SYNE1: variants seen among roughly 807,000 people sequenced by gnomAD.
SYNE1 encodes the protein nesprin-1.
A neutral mutation model predicts 1,111.0 loss-of-function variants in SYNE1; 616 were observed. The ratio of observed to expected loss-of-function variants is 0.55; its 90% CI spans 0.52 to 0.59. The LOEUF (loss-of-function observed/expected upper bound fraction) is 0.59, where lower values mean the gene tolerates loss of function less well. SYNE1 is among the 20% of genes least tolerant of loss of function. The probability of loss-of-function intolerance (pLI) is 0.00; values close to 1 mark genes in which losing one functional copy is unlikely to be tolerated. For missense variants in SYNE1, 10,006 were observed against 10,417.0 expected, an observed-to-expected ratio of 0.96 and a Z score of 1.72; for synonymous variants, 3,855 against 3,825.8, an observed-to-expected ratio of 1.01 and a Z score of -0.28.
In SYNE1 at chr6:152,511,054, G is replaced by A. The variant is rs2099082422; in HGVS notation, c.359C>T (p.Ser120Leu). ...NSTDIADGRP[S>L]IVLGLMWTII... ...GGTCCACATCAATCCAAGAACTATT[G>A]AGGGTCGGCCATCAGCTATATCGGT... Residue 120 changes from serine to leucine, a missense_variant, in exon 7 of 146, where the codon TCA (serine) becomes TTA (leucine). Physicochemically the swap from Ser to Leu is moderately radical, Grantham distance 145 (BLOSUM62 -2). This residue lies in a region of SYNE1 where 1,971 missense variants were observed against 2,084.1 expected (regional missense o/e 0.95). Transcript: ENST00000367255. 15 of 1,614,038 alleles carry A rather than the reference G, an allele frequency of 9.3e-6. No homozygotes were observed. Among genetic ancestry groups the A allele is most frequent in the Non-Finnish European group, 1.3e-5 (15 of 1,179,932 alleles).
At chr6:152,426,112 T>G (rs1409467537) in intron 38 of SYNE1, among the ~76,000 whole-genome samples, 1 of 152,188 alleles carries the variant, frequency 6.6e-6, no homozygotes, top group Non-Finnish European at 1.5e-5. Context: ...AGTCAACGAA[T>G]CTCTTAAGTG....
chr6:152,421,715 A>AT (rs1275113073), intron 39 of SYNE1, among the ~76,000 whole-genome samples: 15 of 131,832 alleles, frequency 1.1e-4, no homozygotes, highest in Admixed American at 3.0e-4. Context: ...TTATTTATTT[A>AT]TTTTTTGGAG....
chr6:152,464,507 A>T (rs1363023146), intron 18 of SYNE1, among the ~76,000 whole-genome samples: 1 of 152,184 alleles, frequency 6.6e-6, no homozygotes, highest in Non-Finnish European at 1.5e-5. Flanking sequence ...ATCTACATGA[A>T]ATATGGAATG....
Position 152,520,542 on chromosome 6 carries a change from G to C in SYNE1, c.226C>G (p.Pro76Ala), listed in dbSNP as rs775028308. 9.9e-6 allele frequency: 16 copies of C among 1,613,562 alleles called. No individual in the cohort carries two copies. The highest frequency in any genetic ancestry group is 1.7e-5 in the Admixed American group (1 of 59,970). The part of the protein sequence containing the change: ...LLEVLSGQKL[P>A]CEQGRRMKRI... ...TTCATCCGGCGTCCTTGTTCACAAG[G>C]CTGTAAAAAGTGGGGTAAAAAAGGG... The change falls in exon 6 of 146, where the codon CCT becomes GCT. Residue 76 changes from proline (P) to alanine (A), a missense_variant and splice_region_variant. Coordinates refer to ENST00000367255, the MANE Select transcript of SYNE1 (RefSeq NM_182961.4).
intron 140 of SYNE1, among the ~76,000 whole-genome samples, chr6:152,139,172 T>C (rs2057809001): frequency 6.6e-6 from 1 of 152,222 alleles, no homozygotes; most frequent in African/African-American, 2.4e-5. Flanking sequence ...GGATGCTTCA[T>C]GAAATTTTAA....
intron 41 of SYNE1, among the ~76,000 whole-genome samples, chr6:152,415,000 C>T (rs930428111): frequency 6.6e-6 from 1 of 152,138 alleles, no homozygotes; most frequent in South Asian, 2.1e-4. Context: ...ACTAAATCCT[C>T]GACATAATGG....
chr6:152,530,020 T>C (rs2099188337), intron 4 of SYNE1, among the ~76,000 whole-genome samples: 1 of 152,210 alleles, frequency 6.6e-6, no homozygotes, highest in Non-Finnish European at 1.5e-5. Flanking sequence ...AAAACTGATG[T>C]TCACTATAAA....
At chr6:152,133,017 C>G (rs1325424400) in intron 143 of SYNE1, among the ~76,000 whole-genome samples, 1 of 151,914 alleles carries the variant, frequency 6.6e-6, no homozygotes, top group East Asian at 1.9e-4. Context: ...AAATAAAATG[C>G]CACAGCAGTT....
chr6:152,498,835 C>T, intron 10 of SYNE1, 43 bp from the exon 11 acceptor site: 1 of 1,161,306 alleles, frequency 8.6e-7, no homozygotes, highest in Non-Finnish European at 1.2e-6. Flanking sequence ...TAATATAAAT[C>T]AGGGTCAAAA....
intron 3 of SYNE1, among the ~76,000 whole-genome samples, chr6:152,587,532 A>G (rs1026849338): frequency 9.2e-5 from 14 of 152,240 alleles, no homozygotes; most frequent in Admixed American, 9.2e-4. Context: ...GGATGCCTGT[A>G]GAATAATGAA....
intron 25 of SYNE1, chr6:152,453,371 G>A (rs2098667420): frequency 1.5e-6 from 1 of 681,986 alleles, no homozygotes; most frequent in South Asian, 1.9e-5. Context: ...TCGAGTAATA[G>A]GATAAAATTG....
intron 126 of SYNE1, among the ~76,000 whole-genome samples, chr6:152,203,652 A>T (rs2075954246): frequency 6.6e-6 from 1 of 152,214 alleles, no homozygotes; most frequent in African/African-American, 2.4e-5. Flanking sequence ...TGAGCATAAC[A>T]ACCCAGAGGT....
At chr6:152,508,926 T>A (rs904253848) in intron 8 of SYNE1, among the ~76,000 whole-genome samples, 10 of 152,224 alleles carry the variant, frequency 6.6e-5, no homozygotes, top group African/African-American at 2.4e-4. Flanking sequence ...TTTCTCTTTT[T>A]ATTTTTTTAT....
rs2095522708 is a variant in SYNE1 at position 152,310,756 on chromosome 6, C to A, written c.16828G>T (p.Gly5610Ter). The change falls in exon 88 of 146, where the codon GGA becomes TGA. Residue 5610 changes from glycine to a stop codon, truncating the protein, a stop_gained. Coordinates refer to ENST00000367255, the MANE Select transcript of SYNE1 (RefSeq NM_182961.4). LOFTEE classifies it high-confidence loss of function. ...TGTCGCAACTCCTCAGTCTCCCGTC[C>A]CAGTTCTGCCACTTGCTGAGACATT... ...EKMSQQVAEL[G>*]RETEELRQMI... The A allele has an allele frequency of 6.2e-7, 1 of 1,614,040 alleles. No individual in the cohort carries two copies. Among genetic ancestry groups the A allele is most frequent in the Admixed American group, 1.7e-5 (1 of 60,008 alleles).
intron 46 of SYNE1, chr6:152,402,487 T>G (rs2154153250): frequency 6.6e-6 from 1 of 152,366 alleles, no homozygotes; most frequent in East Asian, 1.9e-4. Context: ...CCAACTAACT[T>G]TGAGGTGCAG....
In SYNE1 at chr6:152,164,192, C is replaced by T; in HGVS notation, c.23761G>A (p.Glu7921Lys). ...PIVYDSCNSE[E>K]IQRKLNEQQE... Reference sequence around the variant, plus strand: ...TGCTCATTAAGCTTTCTCTGTATTTCTTCCGAGTTACAGGAATCGTAGACT... The same window carrying T: ...TGCTCATTAAGCTTTCTCTGTATTTTTTCCGAGTTACAGGAATCGTAGACT... Residue 7921 changes from glutamate to lysine, a missense_variant, in exon 131 of 146, where the codon GAA (glutamate) becomes AAA (lysine). Physicochemically the swap from Glu to Lys is moderately conservative, Grantham distance 56. This residue lies in a region of SYNE1 where 2,182 missense variants were observed against 2,287.8 expected (regional missense o/e 0.95). Coordinates refer to ENST00000367255, the MANE Select transcript of SYNE1 (RefSeq NM_182961.4). 1 of 1,614,168 alleles carries T rather than the reference C, an allele frequency of 6.2e-7. No individual in the cohort carries two copies. The highest frequency in any genetic ancestry group is 8.5e-7 in the Non-Finnish European group (1 of 1,180,032).
intron 8 of SYNE1, among the ~76,000 whole-genome samples, chr6:152,508,007 A>C (rs1341391909): frequency 6.6e-6 from 1 of 152,196 alleles, no homozygotes; most frequent in Non-Finnish European, 1.5e-5. Flanking sequence ...CTTCAATCTT[A>C]TGAGTGTGAT....
chr6:152,244,301 A>G (rs1320079144), intron 106 of SYNE1, among the ~76,000 whole-genome samples: 1 of 152,094 alleles, frequency 6.6e-6, no homozygotes, highest in Non-Finnish European at 1.5e-5. Context: ...AACCATGAGA[A>G]TAATAATAAA....
At position 152,347,100 on chromosome 6, in the gene SYNE1, T is replaced by C. The variant is rs780537297; in HGVS notation, c.12037A>G (p.Thr4013Ala). 4 of 1,614,114 alleles carry C rather than the reference T, an allele frequency of 2.5e-6. No individual in the cohort carries two copies. The African/African-American group carries it at 5.3e-5, about 22-fold the overall frequency. ...KQNVHAHLQG[T>A]KDSYSAICST... The stretch of plus-strand genomic sequence containing the variant: ...CAGATCGCTGAGTAGCTGTCCTTTG[T>C]GCCCTGCAGATGAGCATGCACGTTT... Residue 4013 changes from threonine (T) to alanine (A), a missense_variant, in exon 73 of 146, where the codon ACA (threonine) becomes GCA (alanine). Thr to Ala is a moderately conservative substitution (Grantham distance 58). Coordinates refer to ENST00000367255, the MANE Select transcript of SYNE1 (RefSeq NM_182961.4).
Sources: allele counts gnomAD v4.1 joint callset (sites outside exome capture counted in the v4.1 genomes callset), GRCh38; gene constraint gnomAD v4.1.1; regional missense constraint gnomAD v4.1.1; transcripts MANE v1.5; gene names NCBI Gene and HGNC (gene_info 2026-07-23, HGNC 2026-07-21).